FRMPD2: variants seen among roughly 807,000 people sequenced by gnomAD.
FRMPD2 encodes FERM and PDZ domain containing 2.
FRMPD2 carries 96 observed loss-of-function variants against 140.1 expected under a neutral mutation model. That is an observed-to-expected ratio of 0.69 (90% CI 0.58 to 0.81). FRMPD2 has a LOEUF of 0.81. FRMPD2 is among the 40% of genes least tolerant of loss of function. The pLI is 0.00. For synonymous variants in FRMPD2, 449 were observed against 547.6 expected (o/e 0.82, Z 2.52); for missense variants, 1,240 against 1,447.4 (o/e 0.86, Z 2.32).
rs376155510 is a variant in FRMPD2 at position 48,246,587 on chromosome 10, C to T, written c.310-1738G>A. Reference sequence around the variant, plus strand: ...GTTAGAGACCTGCCCACACCTTCCACCTGACCTGCACCTGAGGCTAAGATG... The same window carrying T: ...GTTAGAGACCTGCCCACACCTTCCATCTGACCTGCACCTGAGGCTAAGATG... On this transcript the variant is annotated intron_variant, in intron 3 of 28. Coordinates refer to ENST00000374201, the MANE Select transcript of FRMPD2 (RefSeq NM_001018071.4). 9.8e-5 allele frequency among the ~76,000 whole-genome samples: 15 copies of T among 152,348 alleles called. 1 individual carries two copies. In the East Asian group the frequency reaches 1.5e-3, roughly 16 times the overall value.
chr10:48,252,704 C>T (rs1840412916), intron 1 of FRMPD2, among the ~76,000 whole-genome samples: 1 of 152,108 alleles, frequency 6.6e-6, no homozygotes, highest in African/African-American at 2.4e-5. Flanking sequence ...CAGCAGGACC[C>T]CCTCAGAAAG....
intron 12 of FRMPD2, among the ~76,000 whole-genome samples, chr10:48,215,288 G>C (rs1199513333): frequency 6.6e-6 from 1 of 152,172 alleles, no homozygotes; most frequent in Non-Finnish European, 1.5e-5. Flanking sequence ...CTCAGGCAGC[G>C]GACAGGCCAG....
intron 5 of FRMPD2, among the ~76,000 whole-genome samples, chr10:48,241,263 TG>T (rs1564436672): frequency 6.6e-6 from 1 of 152,194 alleles, no homozygotes. Context: ...CCATCCACTT[TG>T]GCCCTCATTA....
At chr10:48,192,455 T>C (rs1838851082) in intron 16 of FRMPD2, among the ~76,000 whole-genome samples, 1 of 151,876 alleles carries the variant, frequency 6.6e-6, no homozygotes, top group African/African-American at 2.4e-5. Context: ...GGTGTGGCAG[T>C]GCATGCCTGT....
rs187630714 is a variant in FRMPD2, at chr10:48,225,163, C to G, written c.1169-1893G>C. ...AAGGCCAGTGTGATCCCAGCTCAGC[C>G]TCCACACAGTGGTTAAAGAAATCCA... On this transcript the variant is annotated intron_variant, in intron 10 of 28. Transcript: ENST00000374201. 7.7e-4 allele frequency among the ~76,000 whole-genome samples: 118 copies of G among 152,280 alleles called. 1 individual carries two copies. In the East Asian group the frequency reaches 0.022, roughly 28 times the overall value.
chr10:48,171,697 A>T (rs1215851006), intron 25 of FRMPD2, among the ~76,000 whole-genome samples: 12 of 152,088 alleles, frequency 7.9e-5, no homozygotes, highest in Admixed American at 6.6e-4. Context: ...CTCAATAACC[A>T]CATGTGGCAA....
intron 10 of FRMPD2, among the ~76,000 whole-genome samples, 186 bp from the exon 11 acceptor site, chr10:48,223,456 G>A (rs1839656387): frequency 6.6e-6 from 1 of 152,164 alleles, no homozygotes; most frequent in South Asian, 2.1e-4. Context: ...TCAAGAAGGA[G>A]CAGACAAAGA....
At chr10:48,202,767 A>C (rs1411730223) in intron 14 of FRMPD2, among the ~76,000 whole-genome samples, 2 of 152,214 alleles carry the variant, frequency 1.3e-5, no homozygotes, top group Non-Finnish European at 2.9e-5. Context: ...ATTTTATATT[A>C]AGTTTATTCA....
At chr10:48,260,467 G>A (rs557819299) in intron 1 of FRMPD2, among the ~76,000 whole-genome samples, 1 of 152,224 alleles carries the variant, frequency 6.6e-6, no homozygotes, top group Admixed American at 6.5e-5. Context: ...TTCTATTACA[G>A]CCCTGAATAG....
At chr10:48,248,970 C>G (rs563417413) in intron 3 of FRMPD2, 51 bp downstream of exon 3, 4 of 1,513,912 alleles carry the variant, frequency 2.6e-6, no homozygotes, top group African/African-American at 1.4e-5. Context: ...CTGGGACAGG[C>G]CTTTCCCAGG....
intron 12 of FRMPD2, among the ~76,000 whole-genome samples, chr10:48,221,817 G>T (rs900792658): frequency 6.6e-6 from 1 of 152,100 alleles, no homozygotes; most frequent in Non-Finnish European, 1.5e-5. Flanking sequence ...TGGATGAATA[G>T]GTGGATGGGT....
chr10:48,263,567 G>T (rs1256222332), intron 1 of FRMPD2, among the ~76,000 whole-genome samples: 1 of 152,102 alleles, frequency 6.6e-6, no homozygotes, highest in Non-Finnish European at 1.5e-5. Context: ...CCAATTCCTT[G>T]AAAGTGAAAA....
At chr10:48,193,763 G>T (rs1209532148) in intron 15 of FRMPD2, among the ~76,000 whole-genome samples, 1 of 152,160 alleles carries the variant, frequency 6.6e-6, no homozygotes, top group Non-Finnish European at 1.5e-5. Flanking sequence ...GTGTGTGTGT[G>T]TGTGCACATG....
intron 4 of FRMPD2, 50 bp downstream of exon 4, chr10:48,244,734 T>C (rs1432063359): frequency 7.0e-7 from 1 of 1,431,110 alleles, no homozygotes; most frequent in Admixed American, 1.7e-5. Flanking sequence ...AACCACTAAA[T>C]AAACCCAGAG....
chr10:48,204,889 A>C (rs1306225328), intron 14 of FRMPD2, among the ~76,000 whole-genome samples: 6 of 152,218 alleles, frequency 3.9e-5, no homozygotes, highest in African/African-American at 1.4e-4. Flanking sequence ...TTGATTGAAC[A>C]ATCAAACCAC....
At chr10:48,263,506 A>T (rs1011557804) in intron 1 of FRMPD2, among the ~76,000 whole-genome samples, 7 of 152,174 alleles carry the variant, frequency 4.6e-5, no homozygotes, top group Non-Finnish European at 1.0e-4. Flanking sequence ...GATCCCATGG[A>T]TATTAAAAAG....
chr10:48,184,846 C>T lies in FRMPD2; in HGVS notation c.2395G>A (p.Ala799Thr), dbSNP rs924812791. The T allele has an allele frequency of 1.9e-6, 3 of 1,613,840 alleles. No homozygotes were observed. Among genetic ancestry groups the T allele is most frequent in the South Asian group, 2.2e-5 (2 of 90,990 alleles). ...GAAGATATAAAAATGCCAGGGTCAG[C>T]TTGGCCTGAATACTCTCCCTCATTA... ...VINEGEYSGQ[A>T]DPGIFISSII... Residue 799 changes from alanine to threonine, a missense_variant, in exon 19 of 29, where the codon GCT becomes ACT. Physicochemically the swap from Ala to Thr is moderately conservative, Grantham distance 58. Transcript: ENST00000374201.
chr10:48,240,913 C>G (rs1840090508), intron 5 of FRMPD2, among the ~76,000 whole-genome samples: 1 of 152,208 alleles, frequency 6.6e-6, no homozygotes, highest in Non-Finnish European at 1.5e-5. Flanking sequence ...TCTGTCTCCC[C>G]CAACATCTCT....
intron 12 of FRMPD2, among the ~76,000 whole-genome samples, chr10:48,219,067 T>G (rs1839518974): frequency 6.6e-6 from 1 of 152,176 alleles, no homozygotes; most frequent in Non-Finnish European, 1.5e-5. Flanking sequence ...GGGTTGGTAC[T>G]GACCTTGAAA....
Sources: allele counts gnomAD v4.1 joint callset (sites outside exome capture counted in the v4.1 genomes callset), GRCh38; gene constraint gnomAD v4.1.1; transcripts MANE v1.5; gene names NCBI Gene and HGNC (gene_info 2026-07-23, HGNC 2026-07-21).